GRAMD1B: variants seen among roughly 807,000 people sequenced by gnomAD.
GRAMD1B encodes the protein protein Aster-B.
GRAMD1B carries 37 observed loss-of-function variants against 99.7 expected under a neutral mutation model. That is an observed-to-expected ratio of 0.37 (90% confidence interval 0.29 to 0.49). The LOEUF is 0.49. Ranked by LOEUF, GRAMD1B falls within the 20% of genes least tolerant of loss-of-function variation. GRAMD1B has a pLI of 0.98. For missense variants in GRAMD1B, 888 were observed against 1,009.2 expected (o/e 0.88, Z 1.63); for synonymous variants, 427 against 387.6 (o/e 1.10, Z -1.19).
At chr11:123,593,929 G>C (rs1148101) in intron 4 of GRAMD1B, among the ~76,000 whole-genome samples, 153 bp from the exon 5 acceptor site, 148,315 of 152,260 alleles carry the variant, frequency 0.97, 72,283 homozygotes, top group East Asian at 1. Flanking sequence ...ACACCGAGGC[G>C]CCGTTCCTCA....
chr11:123,419,742 TGTGTGA>T lies in GRAMD1B; in HGVS notation c.-176+60944_-176+60949del, dbSNP rs1312173945. Among the ~76,000 whole-genome samples the T allele has an allele frequency of 7.2e-5, 5 of 69,634 alleles. No homozygotes were observed. In the South Asian group the frequency reaches 1.3e-3, roughly 18 times the overall value. 45.7% of individuals were successfully genotyped at this position (69,634 alleles called of 152,430 possible). A position where few individuals can be genotyped will look rare whatever the true frequency, so the allele number is the denominator to read the frequency against. On this transcript the variant is annotated intron_variant, in intron 1 of 20. Coordinates refer to the GRAMD1B transcript ENST00000638157. Reference sequence around the variant, plus strand: ...GTGTGTGTGTGTGTGTGTGTGTGTGTGTGTGAATGAGAAAGAGAAAGAGAGAGAGGG... The same window carrying T: ...GTGTGTGTGTGTGTGTGTGTGTGTGTATGAGAAAGAGAAAGAGAGAGAGGG...
At chr11:123,417,859 T>C (rs995054328) in intron 1 of GRAMD1B, among the ~76,000 whole-genome samples, 2 of 152,160 alleles carry the variant, frequency 1.3e-5, no homozygotes, top group African/African-American at 2.4e-5. Context: ...CACTTGAACA[T>C]AGGAGGTGGA....
At chr11:123,496,682 T>A (rs1392628554) in intron 2 of GRAMD1B, among the ~76,000 whole-genome samples, 1 of 151,762 alleles carries the variant, frequency 6.6e-6, no homozygotes, top group Admixed American at 6.6e-5. Flanking sequence ...TTTCATATAG[T>A]CTGTCTTCTA....
At chr11:123,612,962 A>G in intron 15 of GRAMD1B, 98 bp downstream of exon 15, 1 of 691,576 alleles carries the variant, frequency 1.4e-6, no homozygotes, top group Admixed American at 2.6e-5. Flanking sequence ...GAATAGAGGC[A>G]GAGACTGAAA....
chr11:123,560,791 A>AT (rs1311572716), intron 2 of GRAMD1B: 2 of 439,652 alleles, frequency 4.5e-6, no homozygotes, highest in East Asian at 7.1e-5. Context: ...TGGGGTCAGA[A>AT]TGGGGCCCTG....
intron 1 of GRAMD1B, among the ~76,000 whole-genome samples, chr11:123,407,660 T>G (rs1171494446): frequency 6.6e-6 from 1 of 152,192 alleles, no homozygotes; most frequent in East Asian, 1.9e-4. Flanking sequence ...CATGACCTTT[T>G]CAGAGCATGA....
chr11:123,369,911 T>G (rs1483406886), intron 1 of GRAMD1B, among the ~76,000 whole-genome samples: 2 of 151,156 alleles, frequency 1.3e-5, no homozygotes, highest in Non-Finnish European at 2.9e-5. Flanking sequence ...AAAAAAAATC[T>G]ATAAGGGGAG....
At chr11:123,519,966 G>A (rs1040193008) in intron 2 of GRAMD1B, among the ~76,000 whole-genome samples, 5 of 152,244 alleles carry the variant, frequency 3.3e-5, no homozygotes, top group East Asian at 3.8e-4. Context: ...TCCCTTGGCC[G>A]GATGGCCCTG....
chr11:123,465,106 G>A (rs991918417), intron 1 of GRAMD1B, among the ~76,000 whole-genome samples: 3 of 152,132 alleles, frequency 2.0e-5, no homozygotes, highest in South Asian at 2.1e-4. Context: ...GTGGCTTTTT[G>A]TCCGAGCCAT....
At chr11:123,368,841 G>T (rs1040403045) in intron 1 of GRAMD1B, among the ~76,000 whole-genome samples, 1 of 151,982 alleles carries the variant, frequency 6.6e-6, no homozygotes, top group Non-Finnish European at 1.5e-5. Flanking sequence ...GAAGTCCCAG[G>T]GTAAGAAGAT....
At chr11:123,364,348 A>G (rs1946247022) in intron 1 of GRAMD1B, among the ~76,000 whole-genome samples, 1 of 152,232 alleles carries the variant, frequency 6.6e-6, no homozygotes, top group South Asian at 2.1e-4. Flanking sequence ...GTGACTATAA[A>G]AAGGTATCTT....
chr11:123,593,552 ATC>A (rs1380444449), intron 4 of GRAMD1B, among the ~76,000 whole-genome samples: 2 of 151,944 alleles, frequency 1.3e-5, no homozygotes, highest in African/African-American at 4.8e-5. Flanking sequence ...TTAATTCTCT[ATC>A]TCTGCGCTTA....
At position 123,591,414 on chromosome 11, in the gene GRAMD1B, C is replaced by T. The variant is rs1242567232; in HGVS notation, c.685-2668C>T. ...TGGGCAATGGAATCACTGACGGAGT[C>T]GGGGGTCCTCTGGAGCCTTCTGCTG... On this transcript the variant is annotated intron_variant, in intron 4 of 19. Transcript: ENST00000635736. The surrounding 1 kb of genome is among the most constrained non-coding windows in gnomAD (Gnocchi z 4.7). 2 of 399,094 alleles carry T rather than the reference C, an allele frequency of 5.0e-6. No individual in the cohort carries two copies. The highest frequency in any genetic ancestry group is 2.1e-5 in the African/African-American group (1 of 48,754). The allele number at this position is 399,094 out of a possible 1,614,324, so 24.7% of individuals were successfully genotyped here. A position where few individuals can be genotyped will look rare whatever the true frequency, so the allele number is the denominator to read the frequency against.
At chr11:123,465,522 T>A (rs1221544043) in intron 1 of GRAMD1B, among the ~76,000 whole-genome samples, 3 of 151,930 alleles carry the variant, frequency 2.0e-5, no homozygotes, top group Non-Finnish European at 4.4e-5. Context: ...ATCCCAGCAC[T>A]TTGGGAGGCA....
intron 1 of GRAMD1B, among the ~76,000 whole-genome samples, chr11:123,382,124 A>T (rs1249175294): frequency 6.6e-6 from 1 of 152,124 alleles, no homozygotes; most frequent in East Asian, 1.9e-4. Flanking sequence ...TTTTCTGGGG[A>T]TTGGGGGGAA....
chr11:123,574,265 G>A (rs1164530049), intron 2 of GRAMD1B, among the ~76,000 whole-genome samples: 3 of 152,104 alleles, frequency 2.0e-5, no homozygotes, highest in South Asian at 2.1e-4. Context: ...TATAAGGAGA[G>A]AAAAAGCATA....
chr11:123,362,948 A>G (rs1946194759), intron 1 of GRAMD1B, among the ~76,000 whole-genome samples: 1 of 149,164 alleles, frequency 6.7e-6, no homozygotes, highest in African/African-American at 2.4e-5. Flanking sequence ...AGAAATGATG[A>G]GGGAGGGGAG....
At chr11:123,584,996 G>A (rs962794716) in intron 4 of GRAMD1B, among the ~76,000 whole-genome samples, 4 of 152,206 alleles carry the variant, frequency 2.6e-5, no homozygotes, top group Non-Finnish European at 4.4e-5. Flanking sequence ...GGATTTGGAC[G>A]TTTTCCTCTG....
chr11:123,413,560 A>C (rs1417275194), intron 1 of GRAMD1B, among the ~76,000 whole-genome samples: 1 of 152,102 alleles, frequency 6.6e-6, no homozygotes, highest in African/African-American at 2.4e-5. Flanking sequence ...ATGGGAAGGA[A>C]CCAGAGGAAC....
Sources: gnomAD v4.1 joint callset for allele counts (sites outside exome capture counted in the v4.1 genomes callset) on GRCh38, gnomAD v4.1.1 for gene constraint, Gnocchi (gnomAD v3.1) non-coding constraint, MANE v1.5 for transcripts, NCBI Gene and HGNC (gene_info 2026-07-23, HGNC 2026-07-21) for gene names.